The following LRRC1 variants were observed in gnomAD, a reference collection of about 807,000 sequenced individuals.
LRRC1 encodes leucine rich repeat containing 1, also known as leucine-rich repeat-containing protein 1.
In LRRC1, 28 loss-of-function variants were observed where a neutral mutation model predicts 69.9. The observed-to-expected ratio is 0.40, with a 90% CI of 0.30 to 0.55. LRRC1 has a LOEUF of 0.55. Ranked by LOEUF, LRRC1 falls within the 20% of genes least tolerant of loss-of-function variation. LRRC1 has a pLI of 0.47. For missense variants in LRRC1, 498 were observed against 609.0 expected, an observed-to-expected ratio of 0.82 and a Z score of 1.92; for synonymous variants, 236 against 240.2, an observed-to-expected ratio of 0.98 and a Z score of 0.16.
intron 4 of LRRC1, among the ~76,000 whole-genome samples, chr6:53,886,809 C>T (rs1767496959): frequency 6.6e-6 from 1 of 152,174 alleles, no homozygotes; most frequent in South Asian, 2.1e-4. Flanking sequence ...GCAGGTTGTA[C>T]TCCCCACACA....
intron 2 of LRRC1, among the ~76,000 whole-genome samples, chr6:53,878,361 A>G (rs1562056142): frequency 6.6e-6 from 1 of 152,230 alleles, no homozygotes; most frequent in Non-Finnish European, 1.5e-5. Flanking sequence ...ACATTGTAAT[A>G]TATAATGAAA....
intron 9 of LRRC1, 132 bp from the exon 10 acceptor site, chr6:53,904,242 TATCTG>T: frequency 1.8e-6 from 1 of 564,762 alleles, no homozygotes; most frequent in South Asian, 2.6e-5. Context: ...ACATTACAAA[TATCTG>T]ATATTCAGCA....
At chr6:53,872,773 T>TTTTGG (rs1766935081) in intron 2 of LRRC1, among the ~76,000 whole-genome samples, 1 of 148,438 alleles carries the variant, frequency 6.7e-6, no homozygotes, top group African/African-American at 2.5e-5. Context: ...TTTTTTTTTT[T>TTTTGG]GGAGACAGAG....
chr6:53,883,854 G>A lies in LRRC1; in HGVS notation c.446+878G>A. Reference sequence around the variant, plus strand: ...TTTGAGAACCACAGTAAGCAGTTGAGCACAGTCTGACATGTCTGTTTTGCA... The same window carrying A: ...TTTGAGAACCACAGTAAGCAGTTGAACACAGTCTGACATGTCTGTTTTGCA... On this transcript the variant is annotated intron_variant, in intron 4 of 13. Coordinates refer to ENST00000370888, the MANE Select transcript of LRRC1 (RefSeq NM_018214.5). 5.6e-6 allele frequency: 4 copies of A among 711,972 alleles called. No homozygotes were observed. In the South Asian group the frequency reaches 6.0e-5, roughly 11 times the overall value. The allele number at this position is 711,972 out of a possible 1,614,324, so 44.1% of individuals were successfully genotyped here. A position where few individuals can be genotyped will look rare whatever the true frequency, so the allele number is the denominator to read the frequency against.
intron 1 of LRRC1, among the ~76,000 whole-genome samples, chr6:53,836,421 C>G (rs771375384): frequency 2.6e-5 from 4 of 152,138 alleles, no homozygotes; most frequent in African/African-American, 9.7e-5. Flanking sequence ...AAGTGTTTGG[C>G]TTACTGCCAA....
intron 1 of LRRC1, among the ~76,000 whole-genome samples, chr6:53,819,537 C>T (rs1765055283): frequency 6.6e-6 from 1 of 152,044 alleles, no homozygotes; most frequent in Admixed American, 6.6e-5. Context: ...ACTTTGTCTG[C>T]TTGGACATCT....
intron 11 of LRRC1, among the ~76,000 whole-genome samples, chr6:53,917,691 G>C (rs937792177): frequency 6.6e-6 from 1 of 152,118 alleles, no homozygotes; most frequent in Non-Finnish European, 1.5e-5. Flanking sequence ...GATGTTGACT[G>C]TAAGTGTCTT....
intron 1 of LRRC1, among the ~76,000 whole-genome samples, chr6:53,839,741 T>A (rs1765712968): frequency 6.6e-6 from 1 of 152,206 alleles, no homozygotes; most frequent in Non-Finnish European, 1.5e-5. Context: ...ATGTTATGAC[T>A]GTAAGTACTG....
chr6:53,802,675 A>G (rs1388011445), intron 1 of LRRC1, among the ~76,000 whole-genome samples: 1 of 152,216 alleles, frequency 6.6e-6, no homozygotes, highest in Admixed American at 6.5e-5. Context: ...ATGTACCAGC[A>G]GTGACCCTGG....
At chr6:53,863,527 T>C (rs1222443406) in intron 2 of LRRC1, among the ~76,000 whole-genome samples, 1 of 152,260 alleles carries the variant, frequency 6.6e-6, no homozygotes, top group Non-Finnish European at 1.5e-5. Flanking sequence ...GCTCTGTGGC[T>C]GTCCTTGCTG....
intron 10 of LRRC1, among the ~76,000 whole-genome samples, chr6:53,913,130 A>G (rs1253701091): frequency 2.0e-5 from 3 of 152,114 alleles, no homozygotes; most frequent in Admixed American, 2.0e-4. Flanking sequence ...TGGTAATCAA[A>G]TTTGGTGTGG....
chr6:53,901,029 C>T (rs986445184), intron 8 of LRRC1, among the ~76,000 whole-genome samples: 1 of 146,632 alleles, frequency 6.8e-6, no homozygotes, highest in Admixed American at 7.0e-5. Context: ...TTGGTTAAAC[C>T]CAGCTGGAAA....
chr6:53,871,407 C>T (rs892478450), intron 2 of LRRC1, among the ~76,000 whole-genome samples: 2 of 151,896 alleles, frequency 1.3e-5, no homozygotes, highest in African/African-American at 2.4e-5. Context: ...GCATTTTTTT[C>T]GTGTACTTGT....
chr6:53,878,674 A>G (rs756930118), intron 2 of LRRC1, among the ~76,000 whole-genome samples: 5 of 152,196 alleles, frequency 3.3e-5, no homozygotes, highest in African/African-American at 4.8e-5. Context: ...CCTGCTGTGC[A>G]TCCCGGTTCC....
chr6:53,859,859 G>T (rs920744785), intron 2 of LRRC1, among the ~76,000 whole-genome samples: 5 of 152,156 alleles, frequency 3.3e-5, no homozygotes, highest in Non-Finnish European at 5.9e-5. Flanking sequence ...TAATCTTAGA[G>T]CGAGGGAACA....
intron 1 of LRRC1, among the ~76,000 whole-genome samples, chr6:53,826,451 C>T (rs1765260266): frequency 6.6e-6 from 1 of 152,164 alleles, no homozygotes; most frequent in African/African-American, 2.4e-5. Flanking sequence ...CATAGATAAC[C>T]TATTAAAAGC....
chr6:53,896,695 C>A, intron 5 of LRRC1, 134 bp from the exon 6 acceptor site: 1 of 978,284 alleles, frequency 1.0e-6, no homozygotes, highest in South Asian at 1.5e-5. Context: ...TCTTAACAAT[C>A]CTTCCTGTGC....
At chr6:53,911,551 C>A (rs185358253) in intron 10 of LRRC1, among the ~76,000 whole-genome samples, 6 of 152,280 alleles carry the variant, frequency 3.9e-5, no homozygotes, top group South Asian at 2.1e-4. Context: ...TGCTTTGCCC[C>A]CCTTGGGTCA....
At chr6:53,810,113 T>G (rs1280943855) in intron 1 of LRRC1, among the ~76,000 whole-genome samples, 2 of 152,176 alleles carry the variant, frequency 1.3e-5, no homozygotes, top group Non-Finnish European at 2.9e-5. Context: ...GGGTGGGCAC[T>G]GTGCAGTGTC....
Sources: allele counts gnomAD v4.1 joint callset (sites outside exome capture counted in the v4.1 genomes callset), GRCh38; gene constraint gnomAD v4.1.1; transcripts MANE v1.5; gene names NCBI Gene and HGNC (gene_info 2026-07-23, HGNC 2026-07-21).